Variants in DENND2A observed in about 807,000 individuals in gnomAD.
The protein encoded by DENND2A is DENN domain-containing protein 2A.
DENND2A carries 53 observed loss-of-function variants against 105.3 expected under a neutral mutation model. That is an observed-to-expected ratio of 0.50 (90% CI 0.40 to 0.63). The LOEUF (loss-of-function observed/expected upper bound fraction) is 0.63, where lower values mean the gene tolerates loss of function less well. DENND2A is among the 30% of genes least tolerant of loss of function. The pLI, the probability that DENND2A is intolerant of heterozygous loss-of-function variation, is 0.00. For synonymous variants in DENND2A, 522 were observed against 508.4 expected, an observed-to-expected ratio of 1.03 and a Z score of -0.36; for missense variants, 1,138 against 1,279.6, an observed-to-expected ratio of 0.89 and a Z score of 1.69.
chr7:140,633,053 G>A (rs1472458355), intron 1 of DENND2A, among the ~76,000 whole-genome samples: 7 of 138,644 alleles, frequency 5.0e-5, no homozygotes, highest in Non-Finnish European at 9.4e-5. Flanking sequence ...TTTTGAGACA[G>A]AGTCTTGCGC....
chr7:140,531,922 G>C (rs1274071131), intron 14 of DENND2A, among the ~76,000 whole-genome samples: 6 of 151,686 alleles, frequency 4.0e-5, no homozygotes, highest in Admixed American at 2.6e-4. Flanking sequence ...GCTTCTCATT[G>C]TGGGCTGCAA....
At chr7:140,639,479 TC>T (rs1387108473) in intron 1 of DENND2A, among the ~76,000 whole-genome samples, 1 of 151,584 alleles carries the variant, frequency 6.6e-6, no homozygotes, top group Non-Finnish European at 1.5e-5. Flanking sequence ...CACACATACT[TC>T]CTCTCGGAGT....
chr7:140,548,919 T>C lies in DENND2A; in HGVS notation c.2038-1980A>G, dbSNP rs191395490. 2.4e-4 allele frequency among the ~76,000 whole-genome samples: 36 copies of C among 152,056 alleles called. No homozygotes were observed. In the East Asian group the frequency reaches 7.2e-3, roughly 30 times the overall value. On this transcript the variant is annotated intron_variant, in intron 12 of 19. Transcript: ENST00000496613. ...AGCCACTGTGCTGGCCCAGATGTAT[T>C]GTTAAATGTAAAATACCAGCCGGGC...
At chr7:140,520,426 T>A (rs1309241777) in intron 18 of DENND2A, among the ~76,000 whole-genome samples, 1 of 151,628 alleles carries the variant, frequency 6.6e-6, no homozygotes, top group Non-Finnish European at 1.5e-5. Flanking sequence ...TTTCCAGGAG[T>A]CCCTCTGTGG....
chr7:140,613,649 T>C (rs1439487106), intron 1 of DENND2A, among the ~76,000 whole-genome samples: 1 of 147,298 alleles, frequency 6.8e-6, no homozygotes, highest in Non-Finnish European at 1.5e-5. Flanking sequence ...GCTTTGCCTA[T>C]GGAGCAGCCA....
intron 1 of DENND2A, among the ~76,000 whole-genome samples, chr7:140,612,930 C>T (rs1247068172): frequency 1.3e-5 from 2 of 151,776 alleles, no homozygotes; most frequent in Non-Finnish European, 2.9e-5. Flanking sequence ...CCCTTACTAA[C>T]ATGGAGAAAC....
chr7:140,578,070 C>A (rs269218), intron 5 of DENND2A, among the ~76,000 whole-genome samples: 67,576 of 151,666 alleles, frequency 0.45, 15,579 homozygotes, highest in African/African-American at 0.54. Flanking sequence ...CTCCCAGACA[C>A]CCCTAATTGT....
In DENND2A at chr7:140,602,354, G is replaced by A; in HGVS notation, c.44C>T (p.Ala15Val). 6.3e-7 allele frequency: 1 copy of A among 1,592,580 alleles called. No homozygotes were observed. The highest frequency in any genetic ancestry group is 1.3e-5 in the African/African-American group (1 of 74,836). ...CTTCTTCCCAGCCCTGCTGGCTTCTGCAGCTGGGTCACTGATGATCATATC... is the reference window on the plus strand; with the variant it reads ...CTTCTTCCCAGCCCTGCTGGCTTCTACAGCTGGGTCACTGATGATCATATC... ...SLDMIISDPA[A>V]EASRAGKKQL... Residue 15 changes from alanine (A) to valine (V), a missense_variant, in exon 3 of 20, where the codon GCA becomes GTA. Ala to Val is a moderately conservative substitution (Grantham distance 64, BLOSUM62 0). Around this residue, in one of 2 missense-constraint regions of DENND2A, gnomAD observed 511 missense variants for 499.9 expected, o/e 1.02. Transcript: ENST00000496613.
intron 4 of DENND2A, among the ~76,000 whole-genome samples, chr7:140,587,347 C>A (rs1022257196): frequency 2.0e-5 from 3 of 152,118 alleles, no homozygotes; most frequent in Admixed American, 6.6e-5. Context: ...GCAGCAGAAC[C>A]AAGATGTGGT....
chr7:140,558,232 A>C lies in DENND2A; in HGVS notation c.1890-20T>G. 1 of 1,601,830 alleles carries C rather than the reference A, an allele frequency of 6.2e-7. No individual in the cohort carries two copies. The highest frequency in any genetic ancestry group is 1.1e-5 in the South Asian group (1 of 90,758). On this transcript the variant is annotated intron_variant, in intron 10 of 19. Transcript: ENST00000496613. ...GTTTCACTGTGGTTGGGAAAACACA[A>C]ATGTATCATAAAGCAAAACAAAACC...
chr7:140,600,239 G>A (rs1217187113), intron 3 of DENND2A, among the ~76,000 whole-genome samples: 1 of 151,808 alleles, frequency 6.6e-6, no homozygotes, highest in Non-Finnish European at 1.5e-5. Context: ...GATCCAAGCA[G>A]GAGATGACTA....
chr7:140,554,212 G>A (rs1797267829), intron 12 of DENND2A, among the ~76,000 whole-genome samples: 1 of 150,914 alleles, frequency 6.6e-6, no homozygotes, highest in African/African-American at 2.4e-5. Context: ...GCGACAGAAC[G>A]AGACTCCGTC....
In DENND2A at chr7:140,538,717, G is replaced by A. The variant is rs536231778; in HGVS notation, c.2327+5901C>T. On this transcript the variant is annotated intron_variant, in intron 14 of 19. Transcript: ENST00000496613. ...GACGGGGTTTCACCATGTTGGCCAG[G>A]CTGGTCTTGAACTCCCAACCTCAGG... Among the ~76,000 whole-genome samples, 8 of 152,142 alleles carry A rather than the reference G, an allele frequency of 5.3e-5. No homozygotes were observed. In the East Asian group the frequency reaches 1.4e-3, roughly 26 times the overall value.
chr7:140,558,102 G>A, intron 11 of DENND2A, 41 bp downstream of exon 11: 1 of 1,571,444 alleles, frequency 6.4e-7, no homozygotes. Flanking sequence ...GGACTAGGAA[G>A]TCCACGAGGC....
At chr7:140,581,849 G>A (rs1326084669) in intron 5 of DENND2A, among the ~76,000 whole-genome samples, 1 of 152,162 alleles carries the variant, frequency 6.6e-6, no homozygotes, top group Non-Finnish European at 1.5e-5. Context: ...TGCTTTGGTG[G>A]CAGAGGCTCT....
At chr7:140,622,382 CAAGACTCCATCTCAAAAA>C in intron 1 of DENND2A, among the ~76,000 whole-genome samples, 1 of 150,416 alleles carries the variant, frequency 6.6e-6, no homozygotes. Flanking sequence ...GGCGACAGAG[CAAGACTCCATCTCAAAAA>C]AAAAAAAATT....
Position 140,601,546 on chromosome 7 carries a change from C to T in DENND2A, c.852G>A (p.Lys284=). 6.2e-7 allele frequency: 1 copy of T among 1,614,172 alleles called. No homozygotes were observed. Among genetic ancestry groups the T allele is most frequent in the Non-Finnish European group, 8.5e-7 (1 of 1,180,030 alleles). ...TCTCTTTCCTGAAGCCGATGCCAGG[C>T]TTCCCATCTTTGTCCCCTTCTCCGG... The part of the protein sequence containing the change: ...KHAGEGDKDG[K]PGIGFRKEKR... Residue 284 remains lysine (K), a synonymous_variant, in exon 3 of 20, where the codon AAG becomes AAA. Coordinates refer to ENST00000496613, the MANE Select transcript of DENND2A (RefSeq NM_015689.5).
intron 11 of DENND2A, among the ~76,000 whole-genome samples, 163 bp from the exon 12 acceptor site, chr7:140,555,876 T>C (rs1356134161): frequency 2.0e-5 from 3 of 152,208 alleles, no homozygotes; most frequent in Non-Finnish European, 2.9e-5. Context: ...TTTATTATAA[T>C]GTTTGTTATA....
intron 14 of DENND2A, among the ~76,000 whole-genome samples, chr7:140,531,025 T>A (rs1027221122): frequency 6.6e-6 from 1 of 152,136 alleles, no homozygotes; most frequent in East Asian, 1.9e-4. Context: ...AGCCACCACA[T>A]CCGGCCGACT....
Sources: gnomAD v4.1 joint callset for allele counts (sites outside exome capture counted in the v4.1 genomes callset) on GRCh38, gnomAD v4.1.1 for gene constraint, gnomAD v4.1.1 regional missense constraint, MANE v1.5 for transcripts, NCBI Gene and HGNC (gene_info 2026-07-23, HGNC 2026-07-21) for gene names.